SIRT5: variants seen among roughly 807,000 people sequenced by gnomAD.
SIRT5 encodes sirtuin 5.
In SIRT5, 26 loss-of-function variants were observed where a neutral mutation model predicts 40.0. The ratio of observed to expected loss-of-function variants is 0.65; its 90% CI spans 0.48 to 0.90. The LOEUF is 0.90. Ranked by LOEUF, SIRT5 falls within the 40% of genes least tolerant of loss-of-function variation. SIRT5 has a pLI of 0.00. For missense variants in SIRT5, 401 were observed against 402.4 expected (o/e 1.00, Z 0.03); for synonymous variants, 146 against 149.1 (o/e 0.98, Z 0.15).
At chr6:13,594,284 C>T (rs1761303261) in intron 5 of SIRT5, among the ~76,000 whole-genome samples, 2 of 152,310 alleles carry the variant, frequency 1.3e-5, no homozygotes, top group South Asian at 4.1e-4. Context: ...TTGTAGGACA[C>T]ATCTGAATTT....
intron 2 of SIRT5, among the ~76,000 whole-genome samples, chr6:13,583,210 AAAAG>A: frequency 6.6e-6 from 1 of 151,938 alleles, no homozygotes; most frequent in Non-Finnish European, 1.5e-5. Flanking sequence ...TGTCTGAAAT[AAAAG>A]AAAGAAACTG....
intron 9 of SIRT5, among the ~76,000 whole-genome samples, chr6:13,608,863 C>G (rs1053759164): frequency 6.7e-6 from 1 of 148,888 alleles, no homozygotes; most frequent in Non-Finnish European, 1.5e-5. Context: ...GCTCTTGTTG[C>G]TCAGGCTGGA....
intron 2 of SIRT5, among the ~76,000 whole-genome samples, chr6:13,580,878 C>G (rs917959238): frequency 1.3e-5 from 2 of 152,190 alleles, no homozygotes; most frequent in African/African-American, 4.8e-5. Flanking sequence ...CCAGGCTGGT[C>G]TCGAACTCCT....
rs554764772 is a variant in SIRT5, at chr6:13,595,359, G to C, written c.476-118G>C. 6 of 778,248 alleles carry C rather than the reference G, an allele frequency of 7.7e-6. No individual in the cohort carries two copies. In the African/African-American group the frequency reaches 8.6e-5, roughly 11 times the overall value. The allele number at this position is 778,248 out of a possible 1,614,324, so 48.2% of individuals were successfully genotyped here. A position where few individuals can be genotyped will look rare whatever the true frequency, so the allele number is the denominator to read the frequency against. On this transcript the variant is annotated intron_variant, in intron 5 of 9. Transcript: ENST00000606117. Reference sequence around the variant, plus strand: ...GCTACACTCCAGCCTGGGTAACTGGGTGAGACCAAAACATGAAATGAAGTG... The same window carrying C: ...GCTACACTCCAGCCTGGGTAACTGGCTGAGACCAAAACATGAAATGAAGTG...
intron 2 of SIRT5, among the ~76,000 whole-genome samples, chr6:13,580,757 C>G (rs1393944448): frequency 1.3e-5 from 2 of 152,178 alleles, no homozygotes; most frequent in Admixed American, 6.5e-5. Context: ...CAGCCTCAAC[C>G]TTCTGGGCTC....
intron 8 of SIRT5, 123 bp from the exon 9 acceptor site, chr6:13,600,711 C>T: frequency 1.5e-6 from 1 of 650,156 alleles, no homozygotes; most frequent in Admixed American, 2.8e-5. Context: ...TTATCCCATC[C>T]TGTTTGGCTT....
intron 1 of SIRT5, among the ~76,000 whole-genome samples, chr6:13,576,269 A>T (rs971561511): frequency 3.3e-5 from 5 of 152,220 alleles, no homozygotes; most frequent in Non-Finnish European, 7.3e-5. Context: ...ACATTCCACC[A>T]ACAGTGTACC....
rs1024856560 is a variant in SIRT5 at position 13,614,002 on chromosome 6, T to G, written c.*2137T>G. The G allele has an allele frequency of 2.6e-5, 4 of 152,232 alleles. No individual in the cohort carries two copies. Among genetic ancestry groups the G allele is most frequent in the African/African-American group, 9.6e-5 (4 of 41,452 alleles). 9.4% of individuals were successfully genotyped at this position (152,232 alleles called of 1,614,324 possible). A position where few individuals can be genotyped will look rare whatever the true frequency, so the allele number is the denominator to read the frequency against. On this transcript the variant is annotated 3_prime_UTR_variant, in exon 10 of 10. Transcript: ENST00000606117. ...TTTTTTGTTGTTGTTGTTTTCAAGTTTTATCATTTTTGTTCCTATTTGGTT... is the reference window on the plus strand; with the variant it reads ...TTTTTTGTTGTTGTTGTTTTCAAGTGTTATCATTTTTGTTCCTATTTGGTT...
chr6:13,606,457 C>T (rs1390412454), intron 9 of SIRT5, among the ~76,000 whole-genome samples: 1 of 152,030 alleles, frequency 6.6e-6, no homozygotes, highest in Admixed American at 6.6e-5. Context: ...GAGGTCACTG[C>T]TTTGAAGCGA....
chr6:13,592,914 AAT>A (rs1491139268), intron 5 of SIRT5, among the ~76,000 whole-genome samples: 1 of 56,470 alleles, frequency 1.8e-5, no homozygotes. Flanking sequence ...AATTTAATTT[AAT>A]TTTTTTTTTT....
intron 3 of SIRT5, among the ~76,000 whole-genome samples, chr6:13,586,579 G>A (rs1416786580): frequency 6.6e-6 from 1 of 152,180 alleles, no homozygotes; most frequent in Non-Finnish European, 1.5e-5. Context: ...TGAGGCCTCT[G>A]TTCTGTTCCA....
At position 13,604,842 on chromosome 6, in the gene SIRT5, C is replaced by T. The variant is rs199598456; in HGVS notation, c.857+3893C>T. 37 of 1,051,694 alleles carry T rather than the reference C, an allele frequency of 3.5e-5. No homozygotes were observed. The Admixed American group carries it at 9.6e-4, about 27-fold the overall frequency. The allele number at this position is 1,051,694 out of a possible 1,614,324, so 65.1% of individuals were successfully genotyped here. A position where few individuals can be genotyped will look rare whatever the true frequency, so the allele number is the denominator to read the frequency against. On this transcript the variant is annotated intron_variant, in intron 9 of 9. Coordinates refer to ENST00000606117, the MANE Select transcript of SIRT5 (RefSeq NM_012241.5). ...TTCAGCTTCATATTGTCTTGAAAACCTATGATTGTCTCTAACAAACAGGCT... is the reference window on the plus strand; with the variant it reads ...TTCAGCTTCATATTGTCTTGAAAACTTATGATTGTCTCTAACAAACAGGCT...
chr6:13,597,221 C>T (rs968135708), intron 7 of SIRT5, among the ~76,000 whole-genome samples: 4 of 151,824 alleles, frequency 2.6e-5, no homozygotes, highest in Admixed American at 6.6e-5. Context: ...TTTTTCCAAC[C>T]TCTTTTTGCT....
In SIRT5 at chr6:13,591,653, C is replaced by G. The variant is rs1261863236; in HGVS notation, c.250-16C>G. On this transcript the variant is annotated splice_polypyrimidine_tract_variant and intron_variant, in intron 4 of 9. Coordinates refer to ENST00000606117, the MANE Select transcript of SIRT5 (RefSeq NM_012241.5). Reference sequence around the variant, plus strand: ...GTCTCTGCCTCCCTCACTCCTGCCTCCTCTCCCACTCCCAGGACCTGGCGA... The same window carrying G: ...GTCTCTGCCTCCCTCACTCCTGCCTGCTCTCCCACTCCCAGGACCTGGCGA... The G allele has an allele frequency of 3.3e-6, 5 of 1,519,080 alleles. No individual in the cohort carries two copies. In the South Asian group the frequency reaches 5.0e-5, roughly 15 times the overall value. The allele number at this position is 1,519,080 out of a possible 1,614,324, so 94.1% of individuals were successfully genotyped here. A position where few individuals can be genotyped will look rare whatever the true frequency, so the allele number is the denominator to read the frequency against.
intron 6 of SIRT5, among the ~76,000 whole-genome samples, chr6:13,595,874 C>A (rs1252189749): frequency 6.6e-6 from 1 of 152,102 alleles, no homozygotes; most frequent in Non-Finnish European, 1.5e-5. Context: ...TGCCTGTAGT[C>A]CCAGCTACTA....
intron 9 of SIRT5, among the ~76,000 whole-genome samples, chr6:13,606,999 T>G (rs1437742106): frequency 6.6e-6 from 1 of 151,908 alleles, no homozygotes; most frequent in Non-Finnish European, 1.5e-5. Flanking sequence ...TTTTTTTTTT[T>G]TGGAATAGAG....
intron 9 of SIRT5, among the ~76,000 whole-genome samples, chr6:13,608,072 A>C (rs79940149): frequency 9.9e-5 from 15 of 152,206 alleles, no homozygotes; most frequent in Non-Finnish European, 2.2e-4. Context: ...AAACACTGAC[A>C]TTTTAAAATA....
At chr6:13,595,867 C>T (rs1761510467) in intron 6 of SIRT5, among the ~76,000 whole-genome samples, 1 of 152,106 alleles carries the variant, frequency 6.6e-6, no homozygotes, top group African/African-American at 2.4e-5. Context: ...TGGCACATGC[C>T]TGTAGTCCCA....
intron 3 of SIRT5, among the ~76,000 whole-genome samples, chr6:13,587,492 T>C (rs1760233830): frequency 7.0e-6 from 1 of 142,002 alleles, no homozygotes. Context: ...TGAGGACATT[T>C]GTTTCAGGGG....
Sources: gnomAD v4.1 joint callset for allele counts (sites outside exome capture counted in the v4.1 genomes callset) on GRCh38, gnomAD v4.1.1 for gene constraint, MANE v1.5 for transcripts, NCBI Gene and HGNC (gene_info 2026-07-23, HGNC 2026-07-21) for gene names.